The following RGS6 variants were observed in gnomAD, a reference collection of about 807,000 sequenced individuals.
RGS6 encodes regulator of G-protein signaling 6.
In RGS6, 30 loss-of-function variants were observed where a neutral mutation model predicts 78.5. The ratio of observed to expected loss-of-function variants is 0.38; its 90% CI spans 0.29 to 0.52. RGS6 has a LOEUF of 0.52. Ranked by LOEUF, RGS6 falls within the 20% of genes least tolerant of loss-of-function variation. The pLI is 0.85. For missense variants in RGS6, 495 were observed against 609.7 expected, an observed-to-expected ratio of 0.81 and a Z score of 1.98; for synonymous variants, 206 against 206.0, an observed-to-expected ratio of 1.00 and a Z score of 0.00.
intron 2 of RGS6, among the ~76,000 whole-genome samples, chr14:72,116,748 G>T (rs1413247390): frequency 1.3e-5 from 2 of 152,010 alleles, no homozygotes. Context: ...CAGATCACTT[G>T]AGGTTAGGAG....
At chr14:72,246,679 G>C (rs892671884) in intron 2 of RGS6, among the ~76,000 whole-genome samples, 3 of 152,176 alleles carry the variant, frequency 2.0e-5, no homozygotes, top group Non-Finnish European at 4.4e-5. Context: ...AGAGGCCGAG[G>C]TGGGCAGACC....
chr14:72,528,561 A>G (rs921339762), intron 15 of RGS6, among the ~76,000 whole-genome samples: 1 of 152,196 alleles, frequency 6.6e-6, no homozygotes, highest in Non-Finnish European at 1.5e-5. Flanking sequence ...CCAAGGTGGG[A>G]GTGACCTCTG....
In RGS6 at chr14:71,979,929, A is replaced by G. The variant is rs1219470790; in HGVS notation, c.84+15054A>G. On this transcript the variant is annotated intron_variant, in intron 2 of 17. Transcript: ENST00000553525. ...TTGTAGGTCACTCAGGACTTGCTTT[A>G]TGAATCTGGGTGCTCCTGTATTGGG... Among the ~76,000 whole-genome samples the G allele has an allele frequency of 2.7e-3, 384 of 141,634 alleles. 1 individual carries two copies. Among genetic ancestry groups the G allele is most frequent in the African/African-American group, 9.5e-3 (364 of 38,324 alleles). 92.9% of individuals were successfully genotyped at this position (141,634 alleles called of 152,430 possible). A position where few individuals can be genotyped will look rare whatever the true frequency, so the allele number is the denominator to read the frequency against.
chr14:72,056,069 G>GC (rs1216827471), intron 2 of RGS6, among the ~76,000 whole-genome samples: 1 of 152,212 alleles, frequency 6.6e-6, no homozygotes, highest in Non-Finnish European at 1.5e-5. Flanking sequence ...CTTGGCGTGA[G>GC]CCCCCGGGAA....
intron 14 of RGS6, among the ~76,000 whole-genome samples, chr14:72,514,373 G>C (rs1427297626): frequency 6.6e-6 from 1 of 152,232 alleles, no homozygotes; most frequent in Non-Finnish European, 1.5e-5. Flanking sequence ...GGCCTGCCCA[G>C]ACCTCCTGGT....
intron 6 of RGS6, among the ~76,000 whole-genome samples, chr14:72,463,454 G>A (rs1544524): frequency 0.12 from 18,009 of 152,206 alleles, 1,179 homozygotes; most frequent in Admixed American, 0.17. Flanking sequence ...TAGGCACAGG[G>A]ACATTAGCTA....
At chr14:72,528,298 TG>T (rs2097142666) in intron 15 of RGS6, among the ~76,000 whole-genome samples, 1 of 152,218 alleles carries the variant, frequency 6.6e-6, no homozygotes. Flanking sequence ...TGATTCTAGT[TG>T]GTTTTGATCC....
intron 17 of RGS6, 102 bp downstream of exon 17, chr14:72,540,196 G>A: frequency 6.6e-7 from 1 of 1,512,428 alleles, no homozygotes; most frequent in Non-Finnish European, 8.9e-7. Context: ...TTTCCTTTGG[G>A]GTGGGAGGGA....
At chr14:71,988,559 CT>C (rs35242096) in intron 2 of RGS6, among the ~76,000 whole-genome samples, 4,596 of 148,694 alleles carry the variant, frequency 0.031, 109 homozygotes, top group Middle Eastern at 0.094. Flanking sequence ...TTATCTATGG[CT>C]TTTTTTTTTG....
chr14:72,200,223 G>A lies in RGS6; in HGVS notation c.85-151872G>A, dbSNP rs140810414. On this transcript the variant is annotated intron_variant, in intron 2 of 17. Coordinates refer to ENST00000553525, the MANE Select transcript of RGS6 (RefSeq NM_001204424.2). ...ACTTTCTTAAAATAGGATGCTAGAAGCTAGCAAGATGCTGTTTGATTCAGG... is the reference window on the plus strand; with the variant it reads ...ACTTTCTTAAAATAGGATGCTAGAAACTAGCAAGATGCTGTTTGATTCAGG... 5.1e-4 allele frequency among the ~76,000 whole-genome samples: 77 copies of A among 152,290 alleles called. 1 individual carries two copies. The highest frequency in any genetic ancestry group is 1.8e-3 in the African/African-American group (75 of 41,572).
intron 2 of RGS6, among the ~76,000 whole-genome samples, chr14:72,043,166 G>C (rs2092566810): frequency 6.6e-6 from 1 of 151,560 alleles, no homozygotes; most frequent in Non-Finnish European, 1.5e-5. Flanking sequence ...TTTTAGATTT[G>C]TGGTAAATAT....
At chr14:72,390,297 C>G (rs1247773010) in intron 3 of RGS6, among the ~76,000 whole-genome samples, 1 of 151,940 alleles carries the variant, frequency 6.6e-6, no homozygotes, top group Admixed American at 6.6e-5. Context: ...GGGGTTTTGC[C>G]ATGTTGGCCA....
intron 2 of RGS6, among the ~76,000 whole-genome samples, chr14:72,135,597 A>G (rs762863055): frequency 6.6e-6 from 1 of 151,964 alleles, no homozygotes; most frequent in Non-Finnish European, 1.5e-5. Context: ...ACAAAATTGT[A>G]TTCTGAGTAG....
intron 15 of RGS6, among the ~76,000 whole-genome samples, chr14:72,528,784 A>G (rs952787088): frequency 6.6e-6 from 1 of 152,236 alleles, no homozygotes; most frequent in Non-Finnish European, 1.5e-5. Flanking sequence ...TACTCTCAGC[A>G]GGGGCTTGGC....
chr14:72,424,011 A>C (rs1474402760), intron 3 of RGS6, among the ~76,000 whole-genome samples: 2 of 152,192 alleles, frequency 1.3e-5, no homozygotes, highest in African/African-American at 4.8e-5. Context: ...TGTAGCTTCC[A>C]GTCTCGTGGT....
intron 2 of RGS6, among the ~76,000 whole-genome samples, chr14:72,246,866 A>C (rs1034081900): frequency 7.3e-5 from 11 of 151,336 alleles, no homozygotes; most frequent in Non-Finnish European, 1.6e-4. Context: ...AGATCATGCC[A>C]CTGCACTCCA....
chr14:72,414,001 A>AT (rs1183994235), intron 3 of RGS6, among the ~76,000 whole-genome samples: 3 of 151,938 alleles, frequency 2.0e-5, no homozygotes, highest in Non-Finnish European at 2.9e-5. Flanking sequence ...TGCTCTTAAC[A>AT]TTTTTTCCTT....
chr14:72,257,978 C>T (rs2153873417), intron 2 of RGS6, among the ~76,000 whole-genome samples: 1 of 152,302 alleles, frequency 6.6e-6, no homozygotes, highest in South Asian at 2.1e-4. Flanking sequence ...TTCCTTAAGA[C>T]CTGGGAACAT....
intron 17 of RGS6, 171 bp downstream of exon 17, chr14:72,540,265 T>C (rs2153508304): frequency 1.3e-6 from 2 of 1,533,416 alleles, no homozygotes; most frequent in African/African-American, 1.4e-5. Context: ...GCAGCTTCTC[T>C]TCTAGGGATG....
Sources: allele counts gnomAD v4.1 joint callset (sites outside exome capture counted in the v4.1 genomes callset), GRCh38; gene constraint gnomAD v4.1.1; transcripts MANE v1.5; gene names NCBI Gene and HGNC (gene_info 2026-07-23, HGNC 2026-07-21).